Variants in ZSCAN10 observed in about 807,000 individuals in gnomAD.
ZSCAN10 encodes zinc finger and SCAN domain containing 10, also known as zinc finger and SCAN domain-containing protein 10.
In ZSCAN10, 52 loss-of-function variants were observed where a neutral mutation model predicts 63.7. The ratio of observed to expected loss-of-function variants is 0.82; its 90% confidence interval spans 0.65 to 1.03. ZSCAN10 has a LOEUF of 1.03. ZSCAN10 is among the 50% of genes least tolerant of loss of function. The pLI is 0.00. For missense variants in ZSCAN10, 1,223 were observed against 1,103.8 expected, an observed-to-expected ratio of 1.11 and a Z score of -1.53; for synonymous variants, 544 against 479.6, an observed-to-expected ratio of 1.13 and a Z score of -1.76.
chr16:3,090,056 G>T lies in ZSCAN10; in HGVS notation c.1378C>A (p.Pro460Thr). 1 of 1,604,458 alleles carries T rather than the reference G, an allele frequency of 6.2e-7. No homozygotes were observed. ...HLLAHAQDQK[P>T]PCAPESKAEA... is the part of the protein sequence containing the mutation. ...GCCTTACTCTCAGGAGCGCAGGGCG[G>T]CTTCTGGTCCTGGGCGTGCGCCAGC... The change falls in exon 6 of 6, where the codon CCG becomes ACG. Residue 460 changes from proline (P) to threonine (T), a missense_variant. Coordinates refer to ENST00000576985, the MANE Select transcript of ZSCAN10 (RefSeq NM_032805.3).
chr16:3,097,623 AT>A (rs1368281918), intron 1 of ZSCAN10, among the ~76,000 whole-genome samples: 2 of 152,252 alleles, frequency 1.3e-5, no homozygotes, highest in East Asian at 3.9e-4. Context: ...GCCCTCTGGC[AT>A]CCACTCCAGG....
chr16:3,091,703 A>C (rs754329417), intron 4 of ZSCAN10, 61 bp downstream of exon 4: 12 of 1,603,618 alleles, frequency 7.5e-6, no homozygotes, highest in African/African-American at 4.0e-5. Flanking sequence ...GGATTTGCTA[A>C]AACTACAGGG....
chr16:3,091,729 G>T (rs887912669), intron 4 of ZSCAN10, 35 bp downstream of exon 4: 2 of 1,584,490 alleles, frequency 1.3e-6, no homozygotes, highest in Non-Finnish European at 8.6e-7. Flanking sequence ...AAGTTCCTGG[G>T]GCTTGAGGAC....
At chr16:3,091,921 C>T in intron 3 of ZSCAN10, 93 bp from the exon 4 acceptor site, 1 of 1,596,514 alleles carries the variant, frequency 6.3e-7, no homozygotes, top group Admixed American at 1.7e-5. Context: ...TCATCCGGGC[C>T]CTGTGAAGAC....
intron 1 of ZSCAN10, among the ~76,000 whole-genome samples, chr16:3,098,449 A>G (rs972619068): frequency 2.0e-5 from 3 of 152,202 alleles, no homozygotes; most frequent in Non-Finnish European, 4.4e-5. Context: ...CCATTTTCCT[A>G]GCCTTAGCCG....
intron 1 of ZSCAN10, among the ~76,000 whole-genome samples, chr16:3,098,732 T>A (rs1291099025): frequency 6.6e-6 from 1 of 152,198 alleles, no homozygotes; most frequent in Non-Finnish European, 1.5e-5. Flanking sequence ...CAGCTTAATT[T>A]GGAGCCCGGG....
At position 3,092,839 on chromosome 16, in the gene ZSCAN10, T is replaced by A. The variant is rs1957103971; in HGVS notation, c.99A>T (p.Arg33=). The A allele has an allele frequency of 6.8e-7, 1 of 1,480,480 alleles. No individual in the cohort carries two copies. The highest frequency in any genetic ancestry group is 9.0e-7 in the Non-Finnish European group (1 of 1,110,902). The allele number at this position is 1,480,480 out of a possible 1,614,324, so 91.7% of individuals were successfully genotyped here. The change falls in exon 2 of 6, where the codon CGA becomes CGT. Residue 33 remains arginine, a synonymous_variant. Coordinates refer to ENST00000576985, the MANE Select transcript of ZSCAN10 (RefSeq NM_032805.3). The stretch of plus-strand genomic sequence containing the variant: ...CCTCGGGCCTCAGCCTGGACTCTGG[T>A]CGCCTGGGGTCCTCTGGGCTGACAG... The part of the protein sequence containing the change: ...EEAVSPEDPR[R]PESRLRPEVA...
At position 3,090,177 on chromosome 16, in the gene ZSCAN10, C is replaced by T; in HGVS notation, c.1257G>A (p.Leu419=). 3.7e-6 allele frequency: 6 copies of T among 1,604,662 alleles called. No homozygotes were observed. The highest frequency in any genetic ancestry group is 5.1e-6 in the Non-Finnish European group (6 of 1,178,860). ...AGGAGTGGGTCAGCAGGTGCTTGCT[C>T]AGGTGCGAGCTCTGGCGGAAGCGGT... is the stretch of plus-strand genomic sequence containing the variant. ...CGHRFRQSSH[L]SKHLLTHSSE... is the part of the protein sequence containing the mutation. Residue 419 remains leucine (L), a synonymous_variant, in exon 6 of 6, where the codon CTG becomes CTA. Transcript: ENST00000576985.
In ZSCAN10 at chr16:3,093,009, G is replaced by A. The variant is rs959369780; in HGVS notation, c.-67-5C>T. 3.1e-5 allele frequency: 42 copies of A among 1,374,868 alleles called. No individual in the cohort carries two copies. The Middle Eastern group carries it at 8.1e-4, about 26-fold the overall frequency. 85.2% of individuals were successfully genotyped at this position (1,374,868 alleles called of 1,614,324 possible). A position where few individuals can be genotyped will look rare whatever the true frequency, so the allele number is the denominator to read the frequency against. ...CTCTCTCCTCTCCTCCCACACCTGC[G>A]AAGGTGAACACCCTGGGTTAGGATC... On this transcript the variant is annotated splice_polypyrimidine_tract_variant and splice_region_variant and intron_variant, in intron 1 of 5. Transcript: ENST00000576985.
Position 3,090,553 on chromosome 16 carries a change from G to T in ZSCAN10, c.881C>A (p.Ala294Glu). 2 of 1,606,446 alleles carry T rather than the reference G, an allele frequency of 1.2e-6. No individual in the cohort carries two copies. The highest frequency in any genetic ancestry group is 1.7e-6 in the Non-Finnish European group (2 of 1,174,674). The change falls in exon 6 of 6, where the codon GCA becomes GAA. Residue 294 changes from alanine to glutamate, a missense_variant. By Grantham distance (107) the Ala-to-Glu change is moderately radical. Coordinates refer to ENST00000576985, the MANE Select transcript of ZSCAN10 (RefSeq NM_032805.3). ...WPTPILAESQ[A>E]DSPGVPGEPC... ...CTCTCCCGGCACCCCAGGACTATCT[G>T]CCTGGGACTCTGCTAAGATGGGAGT...
Position 3,092,678 on chromosome 16 carries a change from A to G in ZSCAN10, c.260T>C (p.Leu87Pro). The change falls in exon 2 of 6, where the codon CTG becomes CCG. Residue 87 changes from leucine to proline, a missense_variant. Transcript: ENST00000576985. ...LHTKKQILEL[L>P]VLEQFLSVLP... Reference sequence around the variant, plus strand: ...CACACTCAGGAACTGCTCCAGCACCAGCAGCTCCAGGATCTGTTTCTTGGT... The same window carrying G: ...CACACTCAGGAACTGCTCCAGCACCGGCAGCTCCAGGATCTGTTTCTTGGT... The G allele has an allele frequency of 6.2e-7, 1 of 1,613,474 alleles. No homozygotes were observed. Among genetic ancestry groups the G allele is most frequent in the Non-Finnish European group, 8.5e-7 (1 of 1,179,918 alleles).
intron 5 of ZSCAN10, among the ~76,000 whole-genome samples, chr16:3,091,176 G>C (rs1044825840): frequency 2.0e-5 from 3 of 152,196 alleles, no homozygotes; most frequent in Non-Finnish European, 2.9e-5. Context: ...GCTGGGCGTG[G>C]TGGCACACAC....
intron 1 of ZSCAN10, among the ~76,000 whole-genome samples, chr16:3,094,438 C>G (rs977724431): frequency 6.6e-6 from 1 of 152,202 alleles, no homozygotes; most frequent in African/African-American, 2.4e-5. Flanking sequence ...CTCCGCCTCG[C>G]GGGTTCCGGT....
In ZSCAN10 at chr16:3,092,123, C is replaced by T; in HGVS notation, c.590G>A (p.Trp197Ter). The change falls in exon 3 of 6, where the codon TGG (tryptophan) becomes TAG (stop). Residue 197 changes from tryptophan to a stop codon, truncating the protein, a stop_gained. Coordinates refer to ENST00000576985, the MANE Select transcript of ZSCAN10 (RefSeq NM_032805.3). LOFTEE classifies it high-confidence loss of function. ...CTGCTTTGAACTTGGGGGAAGCCTC[C>T]ACTGTCCCGGCTCAGCAGGCTGGGC... ...RAAQPAEPGQ[W>*]RLPPSSKQPL... The T allele has an allele frequency of 6.2e-7, 1 of 1,611,548 alleles. No individual in the cohort carries two copies. Among genetic ancestry groups the T allele is most frequent in the Non-Finnish European group, 8.5e-7 (1 of 1,178,594 alleles).
At chr16:3,093,299 G>A (rs1051428915) in intron 1 of ZSCAN10, 19 of 165,538 alleles carry the variant, frequency 1.1e-4, no homozygotes, top group African/African-American at 2.9e-4. Flanking sequence ...AGGCCGAGGC[G>A]GGTGGATCAC....
In ZSCAN10 at chr16:3,092,180, G is replaced by A. The variant is rs143680859; in HGVS notation, c.533C>T (p.Ser178Leu). 1.7e-4 allele frequency: 274 copies of A among 1,612,734 alleles called. 1 individual carries two copies. The highest frequency in any genetic ancestry group is 2.3e-4 in the Admixed American group (14 of 60,002). The change falls in exon 3 of 6, where the codon TCG becomes TTG. Residue 178 changes from serine to leucine, a missense_variant. Physicochemically the swap from Ser to Leu is moderately radical, Grantham distance 145 (BLOSUM62 -2). Coordinates refer to ENST00000576985, the MANE Select transcript of ZSCAN10 (RefSeq NM_032805.3). ...TGGCTGGGGTCGGGGAGGCTCATCC[G>A]ATGGGCCCAGCACTGAAGGCTCTTC... ...PAEEPSVLGP[S>L]DEPPRPQPRA...
rs1257381464 is a variant in ZSCAN10 at position 3,090,194 on chromosome 16, G to A, written c.1240C>T (p.Arg414Cys). Reference protein sequence around the residue: ...HACHLCGHRFRQSSHLSKHLL... With the variant: ...HACHLCGHRFCQSSHLSKHLL... Reference sequence around the variant, plus strand: ...TGCTTGCTCAGGTGCGAGCTCTGGCGGAAGCGGTGGCCGCACAGGTGGCAG... The same window carrying A: ...TGCTTGCTCAGGTGCGAGCTCTGGCAGAAGCGGTGGCCGCACAGGTGGCAG... Residue 414 changes from arginine (R) to cysteine (C), a missense_variant, in exon 6 of 6, where the codon CGC becomes TGC. Physicochemically the swap from Arg to Cys is radical, Grantham distance 180 (BLOSUM62 -3). Coordinates refer to ENST00000576985, the MANE Select transcript of ZSCAN10 (RefSeq NM_032805.3). 2 of 1,605,434 alleles carry A rather than the reference G, an allele frequency of 1.2e-6. No homozygotes were observed. Among genetic ancestry groups the A allele is most frequent in the East Asian group, 2.2e-5 (1 of 44,790 alleles).
In ZSCAN10 at chr16:3,089,695, C is replaced by A; in HGVS notation, c.1739G>T (p.Cys580Phe). 6.2e-7 allele frequency: 1 copy of A among 1,605,630 alleles called. No homozygotes were observed. The highest frequency in any genetic ancestry group is 8.5e-7 in the Non-Finnish European group (1 of 1,177,820). ...CACAAAGCGCTTCCCGCACTGCGGA[C>A]AGGCGTAGGGCTTCTCGCCCGTGTG... Reference protein sequence around the residue: ...RVHTGEKPYACPQCGKRFVRR... With the variant: ...RVHTGEKPYAFPQCGKRFVRR... The change falls in exon 6 of 6, where the codon TGT (cysteine) becomes TTT (phenylalanine). Residue 580 changes from cysteine (C) to phenylalanine (F), a missense_variant. By Grantham distance (205) the Cys-to-Phe change is radical. Coordinates refer to ENST00000576985, the MANE Select transcript of ZSCAN10 (RefSeq NM_032805.3).
intron 5 of ZSCAN10, 147 bp from the exon 6 acceptor site, chr16:3,090,793 T>A: frequency 1.0e-6 from 1 of 980,466 alleles, no homozygotes; most frequent in Non-Finnish European, 1.4e-6. Context: ...TTCACGCCTG[T>A]AATTTCAGCA....
Sources: allele counts gnomAD v4.1 joint callset (sites outside exome capture counted in the v4.1 genomes callset), GRCh38; gene constraint gnomAD v4.1.1; transcripts MANE v1.5; gene names NCBI Gene and HGNC (gene_info 2026-07-23, HGNC 2026-07-21).